Variants in MTF2 observed in about 807,000 individuals in gnomAD.
MTF2 encodes the protein metal response element binding transcription factor 2, also known as metal-response element-binding transcription factor 2.
In MTF2, 11 loss-of-function variants were observed where a neutral mutation model predicts 79.5. That is an observed-to-expected ratio of 0.14 (90% CI 0.09 to 0.23). The LOEUF (loss-of-function observed/expected upper bound fraction) is 0.23, where lower values mean the gene tolerates loss of function less well. Among genes scored for constraint, MTF2 ranks in the 10% least tolerant of loss-of-function variants. The pLI, the probability that MTF2 is intolerant of heterozygous loss-of-function variation, is 1.00. For synonymous variants in MTF2, 208 were observed against 232.8 expected (o/e 0.89, Z 0.97); for missense variants, 486 against 711.2 (o/e 0.68, Z 3.60).
chr1:93,118,179 G>A (rs1016424298), intron 6 of MTF2, among the ~76,000 whole-genome samples, 166 bp from the exon 7 acceptor site: 3 of 151,594 alleles, frequency 2.0e-5, no homozygotes, highest in Non-Finnish European at 4.4e-5. Context: ...GATACTATAA[G>A]CCTTTTTGGG....
chr1:93,132,975 CTA>C (rs1342085113), intron 11 of MTF2, among the ~76,000 whole-genome samples: 2 of 151,810 alleles, frequency 1.3e-5, no homozygotes, highest in African/African-American at 4.8e-5. Context: ...GATATTCTTT[CTA>C]TATATATATT....
intron 13 of MTF2, 27 bp downstream of exon 13, chr1:93,134,007 T>G: frequency 1.3e-6 from 2 of 1,562,094 alleles, no homozygotes; most frequent in Non-Finnish European, 1.8e-6. Flanking sequence ...TTTCTCCCTT[T>G]CTAGGTTTTG....
At chr1:93,084,442 C>G in intron 1 of MTF2, among the ~76,000 whole-genome samples, 1 of 151,790 alleles carries the variant, frequency 6.6e-6, no homozygotes, top group East Asian at 1.9e-4. Context: ...AAGTTTTTTT[C>G]TTTTTAAAAA....
intron 3 of MTF2, among the ~76,000 whole-genome samples, chr1:93,113,237 G>GC (rs1305842616): frequency 2.0e-5 from 3 of 148,426 alleles, no homozygotes; most frequent in African/African-American, 7.5e-5. Context: ...AAAAAAATAG[G>GC]CATGGTGACA....
intron 1 of MTF2, among the ~76,000 whole-genome samples, chr1:93,085,452 C>T (rs1285436928): frequency 6.8e-6 from 1 of 146,880 alleles, no homozygotes; most frequent in African/African-American, 2.5e-5. Flanking sequence ...GCTGGGATTA[C>T]AGGCGTGAGC....
intron 1 of MTF2, among the ~76,000 whole-genome samples, chr1:93,082,151 G>A (rs780675173): frequency 6.6e-6 from 1 of 152,050 alleles, no homozygotes; most frequent in Admixed American, 6.6e-5. Flanking sequence ...ATGGATATTA[G>A]GAACGTTTTG....
rs900826274 is a variant in MTF2, at chr1:93,138,394, G to A, written c.*1367G>A. 2 of 152,032 alleles carry A rather than the reference G, an allele frequency of 1.3e-5. No homozygotes were observed. The highest frequency in any genetic ancestry group is 1.3e-4 in the Admixed American group (2 of 15,264). The allele number at this position is 152,032 out of a possible 1,614,324, so 9.4% of individuals were successfully genotyped here. On this transcript the variant is annotated 3_prime_UTR_variant, in exon 15 of 15. Transcript: ENST00000370298. ...TTTTAGACTAATTATGGGGGAATTTGCCACCAAAATAAAAAATATGTAAAG... is the reference window on the plus strand; with the variant it reads ...TTTTAGACTAATTATGGGGGAATTTACCACCAAAATAAAAAATATGTAAAG...
intron 9 of MTF2, 135 bp from the exon 10 acceptor site, chr1:93,127,097 T>A: frequency 1.6e-6 from 1 of 622,808 alleles, no homozygotes; most frequent in South Asian, 2.0e-5. Context: ...CAGTGAGGAC[T>A]TGGAATTAGA....
chr1:93,102,606 TAACA>T (rs1162935088), intron 1 of MTF2, among the ~76,000 whole-genome samples: 2 of 151,944 alleles, frequency 1.3e-5, no homozygotes, highest in African/African-American at 4.8e-5. Context: ...AAAAAATTGT[TAACA>T]AACCTATGAG....
intron 1 of MTF2, among the ~76,000 whole-genome samples, chr1:93,100,169 C>G (rs1354907066): frequency 6.6e-6 from 1 of 152,016 alleles, no homozygotes; most frequent in Non-Finnish European, 1.5e-5. Flanking sequence ...TAAAAAAAAC[C>G]CACTTGCCTC....
chr1:93,123,778 T>A (rs1656583456), intron 9 of MTF2, among the ~76,000 whole-genome samples: 1 of 147,322 alleles, frequency 6.8e-6, no homozygotes. Context: ...CCCCTTTTTT[T>A]AATAAAGGAA....
intron 3 of MTF2, among the ~76,000 whole-genome samples, chr1:93,111,613 A>G (rs2101058946): frequency 6.6e-6 from 1 of 152,274 alleles, no homozygotes; most frequent in Middle Eastern, 3.4e-3. Flanking sequence ...TAGGTGGGGA[A>G]CTAAGTAGCT....
intron 1 of MTF2, among the ~76,000 whole-genome samples, chr1:93,101,364 ACCTTTTTTTTTTTTT>A (rs1276146322): frequency 7.8e-6 from 1 of 127,774 alleles, no homozygotes; most frequent in East Asian, 2.2e-4. Context: ...TACTATCTTA[ACCTTTTTTTTTTTTT>A]TTTTTTTTTT....
intron 1 of MTF2, among the ~76,000 whole-genome samples, chr1:93,084,579 G>A (rs1654756315): frequency 6.6e-6 from 1 of 152,182 alleles, no homozygotes; most frequent in Non-Finnish European, 1.5e-5. Flanking sequence ...ATTGATTTGG[G>A]AAGACTTGCC....
At chr1:93,081,204 A>G (rs1424273637) in intron 1 of MTF2, among the ~76,000 whole-genome samples, 3 of 152,158 alleles carry the variant, frequency 2.0e-5, no homozygotes, top group African/African-American at 7.2e-5. Flanking sequence ...AGATGACACA[A>G]TTATATTTAA....
chr1:93,119,317 T>C lies in MTF2; in HGVS notation c.729-16T>C, dbSNP rs1391818587. On this transcript the variant is annotated splice_polypyrimidine_tract_variant and intron_variant, in intron 7 of 14. Transcript: ENST00000370298. Reference sequence around the variant, plus strand: ...TGACTCAGTATAAAACTTTTTCTTTTTTTTTTTTTTCTTAGATTTTATACG... The same window carrying C: ...TGACTCAGTATAAAACTTTTTCTTTCTTTTTTTTTTCTTAGATTTTATACG... 3 of 1,545,896 alleles carry C rather than the reference T, an allele frequency of 1.9e-6. 1 individual carries two copies. The East Asian group carries it at 7.0e-5, about 36-fold the overall frequency.
chr1:93,093,538 C>G (rs1655159269), intron 1 of MTF2, among the ~76,000 whole-genome samples: 1 of 152,126 alleles, frequency 6.6e-6, no homozygotes, highest in African/African-American at 2.4e-5. Context: ...CCTTTCTCTT[C>G]CCTTCTGTGT....
At position 93,079,449 on chromosome 1, in the gene MTF2, C is replaced by A; in HGVS notation, c.-78C>A. 1 of 1,597,562 alleles carries A rather than the reference C, an allele frequency of 6.3e-7. No individual in the cohort carries two copies. Among genetic ancestry groups the A allele is most frequent in the Non-Finnish European group, 8.6e-7 (1 of 1,166,276 alleles). On this transcript the variant is annotated 5_prime_UTR_variant, in exon 1 of 15. Coordinates refer to ENST00000370298, the MANE Select transcript of MTF2 (RefSeq NM_007358.4). ...GGCGGGTGCCCAGTAAGTGCTCGGACTCGCAGGGGAAGCGCCCACGGGGAC... is the reference window on the plus strand; with the variant it reads ...GGCGGGTGCCCAGTAAGTGCTCGGAATCGCAGGGGAAGCGCCCACGGGGAC...
At chr1:93,100,385 A>G (rs908053101) in intron 1 of MTF2, among the ~76,000 whole-genome samples, 1 of 151,898 alleles carries the variant, frequency 6.6e-6, no homozygotes, top group African/African-American at 2.4e-5. Context: ...GCTCACTGCA[A>G]CCTCCGCCTC....
Sources: allele counts gnomAD v4.1 joint callset (sites outside exome capture counted in the v4.1 genomes callset), GRCh38; gene constraint gnomAD v4.1.1; transcripts MANE v1.5; gene names NCBI Gene and HGNC (gene_info 2026-07-23, HGNC 2026-07-21).